KIF1A: variants seen among roughly 807,000 people sequenced by gnomAD.
KIF1A encodes kinesin-like protein KIF1A.
KIF1A carries 46 observed loss-of-function variants against 227.3 expected under a neutral mutation model. That is an observed-to-expected ratio of 0.20 (90% CI 0.16 to 0.26). KIF1A has a LOEUF of 0.26. Among genes scored for constraint, KIF1A ranks in the 10% least tolerant of loss-of-function variants. The pLI is 1.00. For missense variants in KIF1A, 1,683 were observed against 2,485.9 expected, an observed-to-expected ratio of 0.68 and a Z score of 6.87; for synonymous variants, 1,022 against 1,012.8, an observed-to-expected ratio of 1.01 and a Z score of -0.17.
chr2:240,753,943 T>G (rs2049522927), intron 27 of KIF1A, among the ~76,000 whole-genome samples: 1 of 152,092 alleles, frequency 6.6e-6, no homozygotes, highest in East Asian at 1.9e-4. Flanking sequence ...AGGGCCAGGG[T>G]TGGCTTCCAT....
At chr2:240,780,770 CCACACACACA>C (rs113684618) in intron 10 of KIF1A, among the ~76,000 whole-genome samples, 22 of 71,412 alleles carry the variant, frequency 3.1e-4, no homozygotes, top group East Asian at 5.0e-4. Context: ...CCACACAGCT[CCACACACACA>C]CACACACACA....
In KIF1A at chr2:240,773,163, G is replaced by A. The variant is rs1237113234; in HGVS notation, c.1131C>T (p.Thr377=). ...KLIRELKDEV[T]RLRDLLYAQG... ...GGGCGTACAGAAGGTCCCGCAGCCG[G>A]GTCACCTCATCCTTCAGCTCGCGGA... is the stretch of plus-strand genomic sequence containing the variant. The change falls in exon 13 of 49, where the codon ACC becomes ACT. Residue 377 remains threonine (T), a synonymous_variant. Coordinates refer to ENST00000498729, the MANE Select transcript of KIF1A (RefSeq NM_001244008.2). 6.2e-7 allele frequency: 1 copy of A among 1,613,816 alleles called. No individual in the cohort carries two copies. The highest frequency in any genetic ancestry group is 8.5e-7 in the Non-Finnish European group (1 of 1,179,836).
chr2:240,762,546 C>G (rs1034114027), intron 23 of KIF1A, among the ~76,000 whole-genome samples, 173 bp downstream of exon 23: 35 of 152,364 alleles, frequency 2.3e-4, no homozygotes, highest in African/African-American at 7.5e-4. Context: ...CCCCCCTCCC[C>G]CAATGCTGCT....
At chr2:240,728,282 G>T in intron 38 of KIF1A, 1 of 597,418 alleles carries the variant, frequency 1.7e-6, no homozygotes, top group Non-Finnish European at 2.9e-6. Flanking sequence ...AGGACAGCGG[G>T]TGGTCAGAGA....
At chr2:240,774,391 A>ACCCCCCCCCCCCCCC (rs570956380) in intron 11 of KIF1A, 130 bp from the exon 12 acceptor site, 1 of 253,672 alleles carries the variant, frequency 3.9e-6, no homozygotes, top group African/African-American at 4.0e-5. Flanking sequence ...TCACAGGCTT[A>ACCCCCCCCCCCCCCC]CCCCCCCCCC....
chr2:240,718,018 T>G (rs773864427), intron 48 of KIF1A, 32 bp downstream of exon 48: 2 of 1,447,262 alleles, frequency 1.4e-6, no homozygotes, highest in Non-Finnish European at 1.9e-6. Flanking sequence ...AGGACCCCCA[T>G]GGCAGCAACC....
intron 6 of KIF1A, 97 bp from the exon 7 acceptor site, chr2:240,785,197 G>A (rs1192129250): frequency 2.0e-6 from 2 of 1,009,292 alleles, no homozygotes; most frequent in Non-Finnish European, 3.0e-6. Flanking sequence ...CATCGGGGGG[G>A]GCAGTTCCCC....
chr2:240,747,343 T>C (rs1226339719), intron 28 of KIF1A, 22 bp from the exon 29 acceptor site: 1 of 1,602,596 alleles, frequency 6.2e-7, no homozygotes, highest in Non-Finnish European at 8.5e-7. Context: ...ACAGAGCAAA[T>C]GGTTGGAGCC....
intron 38 of KIF1A, chr2:240,734,789 C>T (rs772118103): frequency 1.5e-5 from 20 of 1,301,610 alleles, no homozygotes; most frequent in African/African-American, 4.6e-5. Context: ...GGCCGGGCAG[C>T]GCAGCGGGAG....
At position 240,726,467 on chromosome 2, in the gene KIF1A, C is replaced by T. The variant is rs1443768770; in HGVS notation, c.4122+359G>A. Reference sequence around the variant, plus strand: ...CTCTACTAAAAGTTCAAAAATTAGCCGGGCGTGGTGGCAGGCACCTGTAAT... The same window carrying T: ...CTCTACTAAAAGTTCAAAAATTAGCTGGGCGTGGTGGCAGGCACCTGTAAT... On this transcript the variant is annotated intron_variant, in intron 39 of 48. Coordinates refer to ENST00000498729, the MANE Select transcript of KIF1A (RefSeq NM_001244008.2). This position sits in a 1 kb window ranked among gnomAD's most constrained non-coding sequence, Gnocchi z 5.2. 3.9e-5 allele frequency among the ~76,000 whole-genome samples: 6 copies of T among 152,058 alleles called. No individual in the cohort carries two copies. The highest frequency in any genetic ancestry group is 5.9e-5 in the Non-Finnish European group (4 of 68,032).
chr2:240,719,373 A>T (rs770047103), intron 46 of KIF1A, among the ~76,000 whole-genome samples, 175 bp from the exon 47 acceptor site: 4 of 152,156 alleles, frequency 2.6e-5, no homozygotes, highest in Non-Finnish European at 5.9e-5. Flanking sequence ...CAGGCCGGAG[A>T]CCAGACCACC....
At position 240,782,530 on chromosome 2, in the gene KIF1A, C is replaced by T. The variant is rs536194958; in HGVS notation, c.882+60G>A. The T allele has an allele frequency of 5.9e-6, 9 of 1,533,000 alleles. No individual in the cohort carries two copies. In the East Asian group the frequency reaches 1.7e-4, roughly 29 times the overall value. The allele number at this position is 1,533,000 out of a possible 1,614,324, so 95.0% of individuals were successfully genotyped here. A position where few individuals can be genotyped will look rare whatever the true frequency, so the allele number is the denominator to read the frequency against. On this transcript the variant is annotated intron_variant, in intron 10 of 48. Transcript: ENST00000498729. ...CGCCCCTCACCACAGGGCGCCAATGCAGGGCAGACACCGCCACCAGCCTCC... is the reference window on the plus strand; with the variant it reads ...CGCCCCTCACCACAGGGCGCCAATGTAGGGCAGACACCGCCACCAGCCTCC...
chr2:240,740,442 G>A lies in KIF1A; in HGVS notation c.3750-78C>T. ...CCCGCAGCACAGGACACAGTGGACG[G>A]GAGCAAAAACAGGGAAAAGTCAGCA... On this transcript the variant is annotated intron_variant, in intron 35 of 48. Coordinates refer to ENST00000498729, the MANE Select transcript of KIF1A (RefSeq NM_001244008.2). This position sits in a 1 kb window ranked among gnomAD's most constrained non-coding sequence, Gnocchi z 6.1. The A allele has an allele frequency of 2.4e-6, 3 of 1,271,412 alleles. No homozygotes were observed. Among genetic ancestry groups the A allele is most frequent in the South Asian group, 1.2e-5 (1 of 80,052 alleles). 78.8% of individuals were successfully genotyped at this position (1,271,412 alleles called of 1,614,324 possible). A position where few individuals can be genotyped will look rare whatever the true frequency, so the allele number is the denominator to read the frequency against.
chr2:240,815,215 G>A (rs879573874), intron 1 of KIF1A, among the ~76,000 whole-genome samples: 2 of 152,160 alleles, frequency 1.3e-5, no homozygotes, highest in East Asian at 1.9e-4. Context: ...GAGCCACACC[G>A]ACCCATGACC....
At chr2:240,745,402 T>G (rs150319486) in intron 32 of KIF1A, 25 bp downstream of exon 32, 1 of 1,554,286 alleles carries the variant, frequency 6.4e-7, no homozygotes, top group Non-Finnish European at 8.9e-7. Context: ...GTGGCAGGGA[T>G]GGGGAGAAGT....
chr2:240,793,471 C>T lies in KIF1A; in HGVS notation c.107-4159G>A, dbSNP rs373103142. ...GCACATGGCTGAGGGTCCGCGTCCC[C>T]AGCCAGCCTCCAGCATCTGCAGAAT... On this transcript the variant is annotated intron_variant, in intron 2 of 48. Transcript: ENST00000498729. This position sits in a 1 kb window ranked among gnomAD's most constrained non-coding sequence, Gnocchi z 4.8. Among the ~76,000 whole-genome samples the T allele has an allele frequency of 8.4e-4, 128 of 152,330 alleles. 3 individuals are homozygous for T. The highest frequency in any genetic ancestry group is 2.9e-3 in the African/African-American group (119 of 41,570).
chr2:240,737,327 G>A (rs1426785725), intron 37 of KIF1A, 159 bp from the exon 38 acceptor site: 1 of 596,940 alleles, frequency 1.7e-6, no homozygotes, highest in Non-Finnish European at 3.1e-6. Flanking sequence ...GGCCCTACAG[G>A]GTCCTCAGCA....
rs1246495145 is a variant in KIF1A at position 240,725,177 on chromosome 2, G to A, written c.4256+94C>T. 2.4e-5 allele frequency: 33 copies of A among 1,366,894 alleles called. No individual in the cohort carries two copies. The highest frequency in any genetic ancestry group is 2.3e-4 in the South Asian group (18 of 78,586). The allele number at this position is 1,366,894 out of a possible 1,614,324, so 84.7% of individuals were successfully genotyped here. A position where few individuals can be genotyped will look rare whatever the true frequency, so the allele number is the denominator to read the frequency against. On this transcript the variant is annotated intron_variant, in intron 40 of 48. Transcript: ENST00000498729. This position sits in a 1 kb window ranked among gnomAD's most constrained non-coding sequence, Gnocchi z 5.8. ...TGGGCCTCGCACAGGGTGAGCTGCC[G>A]GGTGGCCCAAGGACCGCTGCCAGGC... is the stretch of plus-strand genomic sequence containing the variant.
At chr2:240,745,094 C>G (rs916984746) in intron 32 of KIF1A, among the ~76,000 whole-genome samples, 6 of 152,172 alleles carry the variant, frequency 3.9e-5, no homozygotes, top group Non-Finnish European at 7.3e-5. Context: ...ATTCCCAACA[C>G]CCAAGCCAGG....
Sources: allele counts gnomAD v4.1 joint callset (sites outside exome capture counted in the v4.1 genomes callset), GRCh38; gene constraint gnomAD v4.1.1; non-coding constraint Gnocchi (gnomAD v3.1); transcripts MANE v1.5; gene names NCBI Gene and HGNC (gene_info 2026-07-23, HGNC 2026-07-21).